The following ARHGEF28 variants were observed in gnomAD, a reference collection of about 807,000 sequenced individuals.
ARHGEF28 encodes the protein 190 kDa guanine nucleotide exchange factor.
In ARHGEF28, 152 loss-of-function variants were observed where a neutral mutation model predicts 206.6. The ratio of observed to expected loss-of-function variants is 0.74; its 90% CI spans 0.64 to 0.84. The LOEUF (loss-of-function observed/expected upper bound fraction) is 0.84. Ranked by LOEUF, ARHGEF28 falls within the 40% of genes least tolerant of loss-of-function variation. The probability of loss-of-function intolerance (pLI) is 0.00; values close to 1 mark genes in which losing one functional copy is unlikely to be tolerated. For synonymous variants in ARHGEF28, 763 were observed against 776.4 expected (o/e 0.98, Z 0.29); for missense variants, 2,028 against 2,073.2 (o/e 0.98, Z 0.42).
intron 10 of ARHGEF28, among the ~76,000 whole-genome samples, chr5:73,839,248 A>T (rs1757838174): frequency 1.3e-5 from 2 of 152,168 alleles, no homozygotes; most frequent in South Asian, 2.1e-4. Context: ...TACTGTTTTT[A>T]AAAAATTATT....
chr5:73,768,102 A>G (rs1403741182), intron 4 of ARHGEF28, among the ~76,000 whole-genome samples: 1 of 152,220 alleles, frequency 6.6e-6, no homozygotes, highest in Non-Finnish European at 1.5e-5. Context: ...CTAGATTTCA[A>G]AGAATGTATG....
intron 7 of ARHGEF28, among the ~76,000 whole-genome samples, chr5:73,788,483 G>A (rs1754287052): frequency 6.6e-6 from 1 of 152,004 alleles, no homozygotes; most frequent in Non-Finnish European, 1.5e-5. Flanking sequence ...ATAAACCATT[G>A]ATTAATATAT....
intron 22 of ARHGEF28, 123 bp downstream of exon 22, chr5:73,873,369 A>G: frequency 3.1e-6 from 4 of 1,290,014 alleles, no homozygotes; most frequent in Non-Finnish European, 4.2e-6. Context: ...CATTCTGAGG[A>G]TGTGTTTACC....
intron 16 of ARHGEF28, among the ~76,000 whole-genome samples, chr5:73,858,455 C>T (rs1427147872): frequency 6.6e-6 from 1 of 152,122 alleles, no homozygotes; most frequent in African/African-American, 2.4e-5. Context: ...TAAAGAGCGT[C>T]TCAGATGTTA....
At chr5:73,871,965 A>AT (rs529215789) in intron 21 of ARHGEF28, among the ~76,000 whole-genome samples, 5 of 152,064 alleles carry the variant, frequency 3.3e-5, no homozygotes, top group Non-Finnish European at 5.9e-5. Context: ...TGAATATCCT[A>AT]TTTTGTTTTC....
At chr5:73,639,945 A>G (rs1473199275) in intron 1 of ARHGEF28, among the ~76,000 whole-genome samples, 1 of 152,224 alleles carries the variant, frequency 6.6e-6, no homozygotes, top group Non-Finnish European at 1.5e-5. Context: ...TATAAATGTC[A>G]ATACTGTAGT....
At chr5:73,676,146 C>T (rs1746669622) in intron 1 of ARHGEF28, among the ~76,000 whole-genome samples, 1 of 148,848 alleles carries the variant, frequency 6.7e-6, no homozygotes, top group Admixed American at 6.7e-5. Flanking sequence ...TCTCGGTTCA[C>T]TGCAATCTCC....
rs140755657 is a variant in ARHGEF28, at chr5:73,701,786, C to T, written c.33+16902C>T. On this transcript the variant is annotated intron_variant, in intron 2 of 35. Transcript: ENST00000513042. ...AGAAACAACCAGTTGTTGTGCGTAT[C>T]GAGGGCTCATTCTTTTTTGTTGATG... Among the ~76,000 whole-genome samples, 918 of 152,238 alleles carry T rather than the reference C, an allele frequency of 6.0e-3. 5 individuals are homozygous for T. Among genetic ancestry groups the T allele is most frequent in the African/African-American group, 0.021 (853 of 41,558 alleles).
Position 73,806,408 on chromosome 5 carries a change from A to ATATATAGATATATACTATATATAGTATG in ARHGEF28, c.1024+11025_1024+11052dup, listed in dbSNP as rs1755460212. ...TATATAGATATATATACATATATAG[A>ATATATAGATATATACTATATATAGTATG]TATATAGATATATACTATATATAGT... On this transcript the variant is annotated intron_variant, in intron 9 of 35. Transcript: ENST00000513042. Among the ~76,000 whole-genome samples the ATATATAGATATATACTATATATAGTATG allele has an allele frequency of 3.1e-5, 4 of 129,304 alleles. 1 individual carries two copies. The highest frequency in any genetic ancestry group is 4.7e-5 in the Non-Finnish European group (3 of 63,604). The allele number at this position is 129,304 out of a possible 152,430, so 84.8% of individuals were successfully genotyped here. A position where few individuals can be genotyped will look rare whatever the true frequency, so the allele number is the denominator to read the frequency against.
Position 73,873,258 on chromosome 5 carries a change from T to G in ARHGEF28, c.2814+12T>G. On this transcript the variant is annotated intron_variant, in intron 22 of 35. Transcript: ENST00000513042. Reference sequence around the variant, plus strand: ...TTTTGGTACAACAGGTAAGAAGAGCTTAAAGTCCTTGACCTTTATGACGTA... The same window carrying G: ...TTTTGGTACAACAGGTAAGAAGAGCGTAAAGTCCTTGACCTTTATGACGTA... 1 of 1,603,172 alleles carries G rather than the reference T, an allele frequency of 6.2e-7. No individual in the cohort carries two copies. Among genetic ancestry groups the G allele is most frequent in the Non-Finnish European group, 8.5e-7 (1 of 1,172,698 alleles).
At chr5:73,893,168 T>C (rs1331070988) in intron 27 of ARHGEF28, 29 bp from the exon 28 acceptor site, 1 of 1,509,322 alleles carries the variant, frequency 6.6e-7, no homozygotes, top group Non-Finnish European at 8.9e-7. Flanking sequence ...TTGGTTTCAG[T>C]TGTGTCTCTT....
At chr5:73,913,897 C>T (rs980896957) in intron 35 of ARHGEF28, among the ~76,000 whole-genome samples, 1 of 152,194 alleles carries the variant, frequency 6.6e-6, no homozygotes, top group Non-Finnish European at 1.5e-5. Flanking sequence ...TTCCAGGTAA[C>T]ATCTTAAAGA....
At chr5:73,766,013 G>A (rs1361676568) in intron 4 of ARHGEF28, among the ~76,000 whole-genome samples, 4 of 151,790 alleles carry the variant, frequency 2.6e-5, no homozygotes, top group Admixed American at 1.3e-4. Flanking sequence ...TTAGCCAGGC[G>A]CAGTGGCGGG....
chr5:73,781,400 A>G (rs950335575), intron 7 of ARHGEF28, among the ~76,000 whole-genome samples: 2 of 152,234 alleles, frequency 1.3e-5, no homozygotes, highest in African/African-American at 4.8e-5. Context: ...AACATGCCAC[A>G]TGGAATCATT....
intron 2 of ARHGEF28, among the ~76,000 whole-genome samples, chr5:73,712,329 C>T (rs1329888628): frequency 6.6e-6 from 1 of 151,924 alleles, no homozygotes; most frequent in East Asian, 1.9e-4. Flanking sequence ...GACTAGGAAC[C>T]CTTTGTCCTT....
intron 9 of ARHGEF28, among the ~76,000 whole-genome samples, chr5:73,802,278 C>T (rs1755185972): frequency 6.6e-6 from 1 of 152,120 alleles, no homozygotes; most frequent in Admixed American, 6.6e-5. Context: ...TTTGCTGTCA[C>T]AGGGTCATTT....
Position 73,753,126 on chromosome 5 carries a change from T to C in ARHGEF28, c.399T>C (p.Asp133=). The stretch of plus-strand genomic sequence containing the variant: ...CGGCAGGAGCACTGCCTGCCTTGGA[T>C]GAGGAGCTCGTGCTGGCTCTGACCC... The part of the protein sequence containing the change: ...ALTAGALPAL[D]EELVLALTHL... The change falls in exon 4 of 36, where the codon GAT becomes GAC. Residue 133 remains aspartate (D), a synonymous_variant. Transcript: ENST00000513042. 6.3e-7 allele frequency: 1 copy of C among 1,581,846 alleles called. No individual in the cohort carries two copies. Among genetic ancestry groups the C allele is most frequent in the African/African-American group, 1.3e-5 (1 of 74,628 alleles).
chr5:73,802,111 A>G (rs760906391), intron 9 of ARHGEF28, among the ~76,000 whole-genome samples: 1 of 152,252 alleles, frequency 6.6e-6, no homozygotes, highest in East Asian at 1.9e-4. Context: ...CAGATTTTCA[A>G]TGATTATCAC....
intron 1 of ARHGEF28, among the ~76,000 whole-genome samples, chr5:73,680,434 C>CAAAAAA (rs71615795): frequency 3.3e-5 from 1 of 30,512 alleles, no homozygotes; most frequent in Non-Finnish European, 5.9e-5. Context: ...GACTCCATCT[C>CAAAAAA]AAAAAAAAAA....
Sources: gnomAD v4.1 joint callset for allele counts (sites outside exome capture counted in the v4.1 genomes callset) on GRCh38, gnomAD v4.1.1 for gene constraint, MANE v1.5 for transcripts, NCBI Gene and HGNC (gene_info 2026-07-23, HGNC 2026-07-21) for gene names.